Variants in FBXL17 observed in about 807,000 individuals in gnomAD.
FBXL17 encodes the protein F-box and leucine rich repeat protein 17.
In FBXL17, 22 loss-of-function variants were observed where a neutral mutation model predicts 66.2. The observed-to-expected ratio is 0.33, with a 90% CI of 0.24 to 0.47. The LOEUF (loss-of-function observed/expected upper bound fraction) is 0.47, where lower values mean the gene tolerates loss of function less well. FBXL17 is among the 20% of genes least tolerant of loss of function. The pLI, the probability that FBXL17 is intolerant of heterozygous loss-of-function variation, is 1.00. For synonymous variants in FBXL17, 474 were observed against 400.5 expected, an observed-to-expected ratio of 1.18 and a Z score of -2.19; for missense variants, 878 against 948.2, an observed-to-expected ratio of 0.93 and a Z score of 0.97.
intron 6 of FBXL17, among the ~76,000 whole-genome samples, chr5:108,162,350 C>CATG (rs1454725772): frequency 1.3e-5 from 2 of 151,632 alleles, no homozygotes; most frequent in Non-Finnish European, 2.9e-5. Flanking sequence ...ATTAGCTAAG[C>CATG]GTGGTGGTGG....
intron 3 of FBXL17, among the ~76,000 whole-genome samples, chr5:108,361,529 G>A (rs1251030527): frequency 6.6e-6 from 1 of 151,882 alleles, no homozygotes; most frequent in Non-Finnish European, 1.5e-5. Context: ...TCCTGCCCTG[G>A]GCATGCATGC....
intron 7 of FBXL17, among the ~76,000 whole-genome samples, chr5:107,947,132 C>A (rs906706700): frequency 2.0e-5 from 3 of 152,114 alleles, no homozygotes; most frequent in African/African-American, 7.2e-5. Flanking sequence ...ACTTTTTTCA[C>A]GGGCTGATCA....
Position 108,382,083 on chromosome 5 carries a change from G to T in FBXL17, c.-392C>A. ...TTAACTGCGGATCCGCCGCCGGCGC[G>T]CGCACCCGCGACTCTGCTCGGAGCC... On this transcript the variant is annotated 5_prime_UTR_variant, in exon 1 of 9. Transcript: ENST00000542267. 1 of 530,756 alleles carries T rather than the reference G, an allele frequency of 1.9e-6. No homozygotes were observed. Among genetic ancestry groups the T allele is most frequent in the Non-Finnish European group, 2.4e-6 (1 of 409,804 alleles). 32.9% of individuals were successfully genotyped at this position (530,756 alleles called of 1,614,324 possible). A position where few individuals can be genotyped will look rare whatever the true frequency, so the allele number is the denominator to read the frequency against.
intron 6 of FBXL17, among the ~76,000 whole-genome samples, chr5:108,030,337 AT>A (rs968587717): frequency 1.3e-5 from 2 of 152,120 alleles, no homozygotes; most frequent in Non-Finnish European, 2.9e-5. Context: ...GGGAGGAAGT[AT>A]TACCCATTTT....
At chr5:108,103,485 A>G (rs1297056694) in intron 6 of FBXL17, among the ~76,000 whole-genome samples, 1 of 152,232 alleles carries the variant, frequency 6.6e-6, no homozygotes, top group Non-Finnish European at 1.5e-5. Context: ...GCTATCGTCA[A>G]TGTGAACCTT....
At chr5:108,032,596 A>G (rs1362560632) in intron 6 of FBXL17, among the ~76,000 whole-genome samples, 2 of 152,110 alleles carry the variant, frequency 1.3e-5, no homozygotes, top group Non-Finnish European at 2.9e-5. Context: ...ACAGAAACAG[A>G]GATTGGGGTG....
Position 107,924,239 on chromosome 5 carries a change from A to G in FBXL17, c.1823-43060T>C, listed in dbSNP as rs185682953. Among the ~76,000 whole-genome samples, 37 of 152,110 alleles carry G rather than the reference A, an allele frequency of 2.4e-4. No individual in the cohort carries two copies. The East Asian group carries it at 7.2e-3, about 29-fold the overall frequency. ...TTTCAGACCTTAGCTTGCAGCCTTC[A>G]CCAAGAAATACCAAAAATATGAAGG... On this transcript the variant is annotated intron_variant, in intron 7 of 8. Coordinates refer to ENST00000542267, the MANE Select transcript of FBXL17 (RefSeq NM_001163315.3).
intron 6 of FBXL17, among the ~76,000 whole-genome samples, chr5:108,180,433 GA>G (rs1189688310): frequency 6.6e-6 from 1 of 151,972 alleles, no homozygotes; most frequent in African/African-American, 2.4e-5. Context: ...TTGAGCCCGG[GA>G]AGCAGAGGTT....
chr5:108,045,955 T>C (rs1561383584), intron 6 of FBXL17, among the ~76,000 whole-genome samples: 1 of 152,208 alleles, frequency 6.6e-6, no homozygotes, highest in Non-Finnish European at 1.5e-5. Flanking sequence ...GAGTGTTCTA[T>C]AAAAATCAAT....
At chr5:108,088,224 C>G (rs2149926707) in intron 6 of FBXL17, among the ~76,000 whole-genome samples, 1 of 152,222 alleles carries the variant, frequency 6.6e-6, no homozygotes, top group African/African-American at 2.4e-5. Flanking sequence ...GTATAAAGAA[C>G]TTTGATAATA....
intron 7 of FBXL17, among the ~76,000 whole-genome samples, chr5:107,957,046 T>C (rs572190773): frequency 4.6e-5 from 7 of 152,192 alleles, no homozygotes; most frequent in Non-Finnish European, 1.0e-4. Flanking sequence ...TACTGTGAGG[T>C]TGACTCCTTT....
At chr5:108,355,354 T>A (rs1435808875) in intron 3 of FBXL17, among the ~76,000 whole-genome samples, 1 of 151,890 alleles carries the variant, frequency 6.6e-6, no homozygotes, top group Non-Finnish European at 1.5e-5. Flanking sequence ...AGTGGCATGA[T>A]CTTGGCTCAC....
intron 7 of FBXL17, among the ~76,000 whole-genome samples, chr5:108,014,292 T>C (rs564463839): frequency 1.7e-4 from 26 of 152,258 alleles, no homozygotes; most frequent in Non-Finnish European, 2.8e-4. Flanking sequence ...GTTAAATATG[T>C]AAATTTATTA....
intron 7 of FBXL17, among the ~76,000 whole-genome samples, chr5:107,946,987 A>G (rs1751328776): frequency 6.6e-6 from 1 of 152,160 alleles, no homozygotes; most frequent in Non-Finnish European, 1.5e-5. Context: ...CCTATTCAAA[A>G]GTTAATTAAA....
At chr5:107,935,603 G>A (rs1750879319) in intron 7 of FBXL17, among the ~76,000 whole-genome samples, 1 of 152,042 alleles carries the variant, frequency 6.6e-6, no homozygotes, top group African/African-American at 2.4e-5. Context: ...TGTACTTTAG[G>A]AGCAACAATA....
Position 107,993,149 on chromosome 5 carries a change from C to T in FBXL17, c.1822+27776G>A, listed in dbSNP as rs180936245. On this transcript the variant is annotated intron_variant, in intron 7 of 8. Transcript: ENST00000542267. The stretch of plus-strand genomic sequence containing the variant: ...TGACCTCGTGATCCACCCACCTTGG[C>T]CTCCCAAAGTGCTGGGATTACAGGC... 4.2e-4 allele frequency among the ~76,000 whole-genome samples: 64 copies of T among 152,306 alleles called. 1 individual carries two copies. Among genetic ancestry groups the T allele is most frequent in the African/African-American group, 1.5e-3 (64 of 41,568 alleles).
rs376928111 is a variant in FBXL17, at chr5:107,875,877, G to A, written c.1965+5160C>T. 2.0e-4 allele frequency among the ~76,000 whole-genome samples: 31 copies of A among 152,324 alleles called. No homozygotes were observed. The East Asian group carries it at 5.2e-3, about 26-fold the overall frequency. On this transcript the variant is annotated intron_variant, in intron 8 of 8. Transcript: ENST00000542267. ...CCTCCACAGAGGTCCCTGGCCTGAA[G>A]GCAGCTGGATAATCAATAGGCTCAC...
At chr5:108,291,002 A>G (rs148858792) in intron 4 of FBXL17, among the ~76,000 whole-genome samples, 182 of 152,350 alleles carry the variant, frequency 1.2e-3, no homozygotes, top group African/African-American at 4.3e-3. Context: ...TTCATACCAC[A>G]TATGCAACGC....
At chr5:108,096,084 G>GCAATTC (rs1392517819) in intron 6 of FBXL17, among the ~76,000 whole-genome samples, 1 of 152,126 alleles carries the variant, frequency 6.6e-6, no homozygotes, top group African/African-American at 2.4e-5. Context: ...ACGCTTGTTT[G>GCAATTC]CAATTCCATA....
Sources: gnomAD v4.1 joint callset for allele counts (sites outside exome capture counted in the v4.1 genomes callset) on GRCh38, gnomAD v4.1.1 for gene constraint, MANE v1.5 for transcripts, NCBI Gene and HGNC (gene_info 2026-07-23, HGNC 2026-07-21) for gene names.